Variants in ROBO2 observed in about 807,000 individuals in gnomAD.
ROBO2 encodes the protein roundabout guidance receptor 2.
A neutral mutation model predicts 160.8 loss-of-function variants in ROBO2; 53 were observed. That is an observed-to-expected ratio of 0.33 (90% CI 0.26 to 0.41). The LOEUF (loss-of-function observed/expected upper bound fraction) is 0.41. Ranked by LOEUF, ROBO2 falls within the 10% of genes least tolerant of loss-of-function variation. The pLI, the probability that ROBO2 is intolerant of heterozygous loss-of-function variation, is 1.00. For missense variants in ROBO2, 1,577 were observed against 1,722.4 expected, an observed-to-expected ratio of 0.92 and a Z score of 1.49; for synonymous variants, 664 against 611.7, an observed-to-expected ratio of 1.09 and a Z score of -1.26.
At chr3:76,585,871 T>C (rs923591381) in intron 2 of ROBO2, among the ~76,000 whole-genome samples, 7 of 152,180 alleles carry the variant, frequency 4.6e-5, no homozygotes, top group Non-Finnish European at 1.0e-4. Flanking sequence ...TATATACACA[T>C]ATATATCACA....
intron 2 of ROBO2, among the ~76,000 whole-genome samples, chr3:76,250,367 A>G (rs1231357675): frequency 1.3e-5 from 2 of 152,100 alleles, no homozygotes; most frequent in Non-Finnish European, 2.9e-5. Context: ...TATTTATTGT[A>G]TACTGAAATC....
chr3:77,044,210 A>G (rs905333221), intron 1 of ROBO2, among the ~76,000 whole-genome samples: 4 of 152,166 alleles, frequency 2.6e-5, no homozygotes, highest in Admixed American at 1.3e-4. Flanking sequence ...AGTTCTGGCC[A>G]TCTCATCCCT....
intron 2 of ROBO2, among the ~76,000 whole-genome samples, chr3:76,215,839 G>T (rs971714963): frequency 6.6e-6 from 1 of 152,030 alleles, no homozygotes; most frequent in Non-Finnish European, 1.5e-5. Context: ...GAGAAGAACA[G>T]CTCCAAGACA....
At chr3:77,463,803 ACTC>A (rs1259124544) in intron 2 of ROBO2, among the ~76,000 whole-genome samples, 2 of 151,960 alleles carry the variant, frequency 1.3e-5, no homozygotes, top group Admixed American at 1.3e-4. Context: ...ATGGTCTCGA[ACTC>A]CTGAGCTCAA....
intron 2 of ROBO2, among the ~76,000 whole-genome samples, chr3:76,509,917 C>T (rs999901796): frequency 1.4e-5 from 2 of 147,150 alleles, no homozygotes; most frequent in Admixed American, 1.4e-4. Flanking sequence ...TGATGGGTCA[C>T]AATCAAAATA....
At chr3:77,360,307 A>G (rs2069771727) in intron 2 of ROBO2, among the ~76,000 whole-genome samples, 3 of 150,496 alleles carry the variant, frequency 2.0e-5, no homozygotes, top group South Asian at 2.2e-4. Flanking sequence ...ATAAGTAGCA[A>G]TGAATTTGAC....
chr3:76,684,548 T>A (rs537759964), intron 2 of ROBO2, among the ~76,000 whole-genome samples: 1 of 152,256 alleles, frequency 6.6e-6, no homozygotes, highest in South Asian at 2.1e-4. Context: ...TTATTTTCTT[T>A]GCAATTTGCT....
At chr3:77,240,218 C>T (rs942393645) in intron 2 of ROBO2, among the ~76,000 whole-genome samples, 12 of 152,122 alleles carry the variant, frequency 7.9e-5, no homozygotes, top group African/African-American at 2.9e-4. Flanking sequence ...GCTGCAGGTC[C>T]TGAGCCCTGC....
intron 2 of ROBO2, among the ~76,000 whole-genome samples, chr3:76,734,603 G>A (rs1378418809): frequency 1.3e-5 from 2 of 152,202 alleles, no homozygotes; most frequent in South Asian, 2.1e-4. Context: ...GGGTTAGACC[G>A]CCTTGGCTCA....
intron 14 of ROBO2, among the ~76,000 whole-genome samples, chr3:77,576,620 G>A (rs973267113): frequency 1.3e-5 from 2 of 152,190 alleles, no homozygotes; most frequent in African/African-American, 4.8e-5. Flanking sequence ...CTAAAATCAG[G>A]AAGAGCTTCT....
chr3:76,051,009 A>G (rs907163216), intron 2 of ROBO2, among the ~76,000 whole-genome samples: 1 of 152,176 alleles, frequency 6.6e-6, no homozygotes, highest in South Asian at 2.1e-4. Context: ...TTTATCCTAC[A>G]TCATTGGTTG....
chr3:77,251,806 T>C (rs2090383335), intron 2 of ROBO2, among the ~76,000 whole-genome samples: 1 of 152,130 alleles, frequency 6.6e-6, no homozygotes, highest in African/African-American at 2.4e-5. Context: ...TCTGCCACCA[T>C]GTAAGATGTG....
At chr3:76,705,665 C>T (rs1030910907) in intron 2 of ROBO2, among the ~76,000 whole-genome samples, 2 of 152,098 alleles carry the variant, frequency 1.3e-5, no homozygotes, top group African/African-American at 2.4e-5. Flanking sequence ...ATAAGAAATA[C>T]AGGTTAATTT....
chr3:76,071,079 T>C (rs1407536657), intron 2 of ROBO2, among the ~76,000 whole-genome samples: 1 of 152,228 alleles, frequency 6.6e-6, no homozygotes, highest in Admixed American at 6.5e-5. Context: ...TGATTGGTTC[T>C]CCTTCATAAT....
chr3:77,441,467 A>G (rs980693630), intron 2 of ROBO2, among the ~76,000 whole-genome samples: 1 of 152,180 alleles, frequency 6.6e-6, no homozygotes, highest in Non-Finnish European at 1.5e-5. Context: ...ATGTAAAAAA[A>G]CCCAACGCTT....
intron 23 of ROBO2, chr3:77,631,959 TTTG>T (rs1450948084): frequency 2.0e-5 from 3 of 152,174 alleles, no homozygotes; most frequent in Admixed American, 6.5e-5. Context: ...TTTGTGAATT[TTTG>T]TTGTTATTTG....
intron 2 of ROBO2, among the ~76,000 whole-genome samples, chr3:76,635,099 G>T (rs1014069882): frequency 6.6e-6 from 1 of 152,136 alleles, no homozygotes; most frequent in Non-Finnish European, 1.5e-5. Flanking sequence ...GTCGGGGACC[G>T]CTGCTATTAC....
chr3:77,404,816 G>A (rs2076129935), intron 2 of ROBO2, among the ~76,000 whole-genome samples: 1 of 152,142 alleles, frequency 6.6e-6, no homozygotes, highest in South Asian at 2.1e-4. Context: ...CAATCAATGG[G>A]AATTAATTGT....
chr3:76,942,029 A>G (rs1438494832), intron 2 of ROBO2, among the ~76,000 whole-genome samples: 1 of 151,692 alleles, frequency 6.6e-6, no homozygotes, highest in Non-Finnish European at 1.5e-5. Context: ...AATAAATGTT[A>G]AAGTCTTCCA....
Sources: allele counts gnomAD v4.1 joint callset (sites outside exome capture counted in the v4.1 genomes callset), GRCh38; gene constraint gnomAD v4.1.1; transcripts MANE v1.5; gene names NCBI Gene and HGNC (gene_info 2026-07-23, HGNC 2026-07-21).